Variants in ARHGAP12 observed in about 807,000 individuals in gnomAD.
ARHGAP12 encodes the protein rho GTPase-activating protein 12.
A neutral mutation model predicts 108.6 loss-of-function variants in ARHGAP12; 64 were observed. That is an observed-to-expected ratio of 0.59 (90% CI 0.48 to 0.73). The LOEUF is 0.73. Among genes scored for constraint, ARHGAP12 ranks in the 30% least tolerant of loss-of-function variants. ARHGAP12 has a pLI of 0.00. For missense variants in ARHGAP12, 940 were observed against 1,005.9 expected (o/e 0.93, Z 0.89); for synonymous variants, 312 against 337.2 (o/e 0.93, Z 0.82).
At chr10:31,894,563 G>A (rs1838596778) in intron 3 of ARHGAP12, among the ~76,000 whole-genome samples, 1 of 152,172 alleles carries the variant, frequency 6.6e-6, no homozygotes, top group African/African-American at 2.4e-5. Flanking sequence ...ACCTCTTCAA[G>A]GAGAACTACA....
At chr10:31,864,938 G>A (rs1837266800) in intron 3 of ARHGAP12, among the ~76,000 whole-genome samples, 2 of 152,142 alleles carry the variant, frequency 1.3e-5, no homozygotes, top group African/African-American at 2.4e-5. Context: ...GAAGAGACCC[G>A]GAAACAAGTG....
At chr10:31,872,621 C>A (rs1402819771) in intron 3 of ARHGAP12, among the ~76,000 whole-genome samples, 1 of 152,182 alleles carries the variant, frequency 6.6e-6, no homozygotes, top group Non-Finnish European at 1.5e-5. Context: ...CCCATGGGGT[C>A]TACTGCCCCC....
At chr10:31,899,902 T>C (rs1838850203) in intron 3 of ARHGAP12, among the ~76,000 whole-genome samples, 2 of 152,152 alleles carry the variant, frequency 1.3e-5, no homozygotes, top group Non-Finnish European at 1.5e-5. Context: ...AAACTTTTGC[T>C]CTACAAAAGT....
At chr10:31,906,632 A>C (rs1231445302) in intron 3 of ARHGAP12, among the ~76,000 whole-genome samples, 1 of 152,200 alleles carries the variant, frequency 6.6e-6, no homozygotes, top group Non-Finnish European at 1.5e-5. Flanking sequence ...AAGGTCTGAA[A>C]CAGCTGCCAT....
At position 31,839,697 on chromosome 10, in the gene ARHGAP12, G is replaced by T; in HGVS notation, c.1311C>A (p.Ala437=). 6.2e-7 allele frequency: 1 copy of T among 1,606,028 alleles called. No homozygotes were observed. Among genetic ancestry groups the T allele is most frequent in the Non-Finnish European group, 8.5e-7 (1 of 1,174,800 alleles). ...LDTNDKESPT[A]SKPCFPENES... Reference sequence around the variant, plus strand: ...CATTTTCAGGAAAGCAGGGTTTTGAGGCAGTTGGAGATTCCTACAAGAAAT... The same window carrying T: ...CATTTTCAGGAAAGCAGGGTTTTGATGCAGTTGGAGATTCCTACAAGAAAT... The change falls in exon 8 of 20, where the codon GCC becomes GCA. Residue 437 remains alanine, a synonymous_variant. Transcript: ENST00000344936.
At chr10:31,924,938 T>A (rs949230081) in intron 1 of ARHGAP12, among the ~76,000 whole-genome samples, 1 of 152,184 alleles carries the variant, frequency 6.6e-6, no homozygotes, top group African/African-American at 2.4e-5. Context: ...CAGTGCTTAC[T>A]CAAGGAAGCA....
In ARHGAP12 at chr10:31,807,557, A is replaced by G; in HGVS notation, c.*101T>C. ...TCCCTCAAAAAAAAAGTGCAAAATCAAAGAGTCACTGCTTGGTCCAAAAAA... is the reference window on the plus strand; with the variant it reads ...TCCCTCAAAAAAAAAGTGCAAAATCGAAGAGTCACTGCTTGGTCCAAAAAA... On this transcript the variant is annotated 3_prime_UTR_variant, in exon 20 of 20. Transcript: ENST00000344936. 8.0e-7 allele frequency: 1 copy of G among 1,253,172 alleles called. No individual in the cohort carries two copies. Among genetic ancestry groups the G allele is most frequent in the Non-Finnish European group, 1.1e-6 (1 of 927,742 alleles). The allele number at this position is 1,253,172 out of a possible 1,614,324, so 77.6% of individuals were successfully genotyped here.
At chr10:31,894,186 A>G (rs1838578008) in intron 3 of ARHGAP12, among the ~76,000 whole-genome samples, 1 of 152,236 alleles carries the variant, frequency 6.6e-6, no homozygotes, top group African/African-American at 2.4e-5. Context: ...GAAAACTGGC[A>G]CAAGACAGGC....
chr10:31,830,182 TAG>T (rs1835780329), intron 10 of ARHGAP12, among the ~76,000 whole-genome samples: 1 of 152,168 alleles, frequency 6.6e-6, no homozygotes, highest in South Asian at 2.1e-4. Flanking sequence ...TATAAGGTTA[TAG>T]AGAGTAGACC....
intron 3 of ARHGAP12, 112 bp downstream of exon 3, chr10:31,908,060 T>C: frequency 9.2e-7 from 1 of 1,087,982 alleles, no homozygotes; most frequent in South Asian, 1.8e-5. Flanking sequence ...CCATGTACTC[T>C]GAAAATACAA....
chr10:31,923,068 C>A (rs1336643437), intron 1 of ARHGAP12, among the ~76,000 whole-genome samples: 1 of 142,078 alleles, frequency 7.0e-6, no homozygotes, highest in Non-Finnish European at 1.5e-5. Flanking sequence ...GAGTTCGCGA[C>A]TGCAGTGAAC....
chr10:31,918,915 T>C (rs1279450642), intron 1 of ARHGAP12, among the ~76,000 whole-genome samples: 1 of 152,150 alleles, frequency 6.6e-6, no homozygotes, highest in South Asian at 2.1e-4. Flanking sequence ...AAGCAGAAAG[T>C]CAAACAGATA....
chr10:31,911,960 C>G (rs1839366629), intron 1 of ARHGAP12, among the ~76,000 whole-genome samples: 1 of 152,104 alleles, frequency 6.6e-6, no homozygotes, highest in Non-Finnish European at 1.5e-5. Flanking sequence ...CAATAAATAC[C>G]TCAAACTTAT....
rs79837329 is a variant in ARHGAP12 at position 31,830,080 on chromosome 10, A to T, written c.1448+1659T>A. 3.6e-3 allele frequency among the ~76,000 whole-genome samples: 546 copies of T among 152,292 alleles called. 4 individuals carry two copies. Among genetic ancestry groups the T allele is most frequent in the African/African-American group, 0.012 (515 of 41,570 alleles). The stretch of plus-strand genomic sequence containing the variant: ...TCTTAGAAAACATAGTTTTTCTTCA[A>T]AAAAATATTTGTGTCAATTTGTAAT... On this transcript the variant is annotated intron_variant, in intron 10 of 19. Coordinates refer to ENST00000344936, the MANE Select transcript of ARHGAP12 (RefSeq NM_018287.7).
intron 3 of ARHGAP12, among the ~76,000 whole-genome samples, chr10:31,896,285 C>T (rs1838689537): frequency 1.5e-5 from 2 of 135,954 alleles, no homozygotes; most frequent in Non-Finnish European, 3.1e-5. Context: ...TGATCCAGGA[C>T]ATCATTAAAC....
At chr10:31,919,531 G>A (rs751406611) in intron 1 of ARHGAP12, among the ~76,000 whole-genome samples, 6 of 152,212 alleles carry the variant, frequency 3.9e-5, no homozygotes, top group African/African-American at 9.6e-5. Context: ...GGTGGCTCAC[G>A]CCTGTAATCC....
At chr10:31,904,742 T>A (rs1839058289) in intron 3 of ARHGAP12, among the ~76,000 whole-genome samples, 2 of 152,096 alleles carry the variant, frequency 1.3e-5, no homozygotes, top group South Asian at 4.2e-4. Context: ...TCCTCCCACC[T>A]CAGCCTCCCA....
chr10:31,866,223 G>T (rs1180508263), intron 3 of ARHGAP12, among the ~76,000 whole-genome samples: 1 of 152,160 alleles, frequency 6.6e-6, no homozygotes, highest in East Asian at 1.9e-4. Context: ...AAACTAGACA[G>T]TATCAAATTC....
chr10:31,809,489 G>T, intron 16 of ARHGAP12, 182 bp from the exon 17 acceptor site: 1 of 579,394 alleles, frequency 1.7e-6, no homozygotes, highest in Non-Finnish European at 3.1e-6. Context: ...ATGGAGATTC[G>T]CTCTGAATTC....
Sources: gnomAD v4.1 joint callset for allele counts (sites outside exome capture counted in the v4.1 genomes callset) on GRCh38, gnomAD v4.1.1 for gene constraint, MANE v1.5 for transcripts, NCBI Gene and HGNC (gene_info 2026-07-23, HGNC 2026-07-21) for gene names.